The following IRAK2 variants were observed in gnomAD, a reference collection of about 807,000 sequenced individuals.
The protein encoded by IRAK2 is interleukin-1 receptor-associated kinase-like 2.
In IRAK2, 57 loss-of-function variants were observed where a neutral mutation model predicts 72.0. The observed-to-expected ratio is 0.79, with a 90% CI of 0.64 to 0.99. The LOEUF (loss-of-function observed/expected upper bound fraction) is 0.99. Among genes scored for constraint, IRAK2 ranks in the 50% least tolerant of loss-of-function variants. The probability of loss-of-function intolerance (pLI) is 0.00; values close to 1 mark genes in which losing one functional copy is unlikely to be tolerated. For synonymous variants in IRAK2, 293 were observed against 312.7 expected (o/e 0.94, Z 0.67); for missense variants, 790 against 794.4 (o/e 0.99, Z 0.07).
intron 11 of IRAK2, among the ~76,000 whole-genome samples, chr3:10,237,732 G>A (rs1258770328): frequency 1.3e-5 from 2 of 151,242 alleles, no homozygotes; most frequent in Admixed American, 6.6e-5. Flanking sequence ...GCGTGAACCC[G>A]GGAGGCAGAG....
chr3:10,215,745 CAT>C (rs1228242469), intron 6 of IRAK2, among the ~76,000 whole-genome samples: 8 of 126,770 alleles, frequency 6.3e-5, no homozygotes, highest in Non-Finnish European at 8.9e-5. Context: ...TGAATACTCA[CAT>C]GTGTACACAC....
At position 10,193,478 on chromosome 3, in the gene IRAK2, C is replaced by T. The variant is rs77336294; in HGVS notation, c.278-6891C>T. Among the ~76,000 whole-genome samples the T allele has an allele frequency of 4.7e-3, 714 of 151,942 alleles. 26 individuals carry two copies. The South Asian group carries it at 0.083, about 18-fold the overall frequency. On this transcript the variant is annotated intron_variant, in intron 2 of 12. Coordinates refer to ENST00000256458, the MANE Select transcript of IRAK2 (RefSeq NM_001570.4). ...AAAACAAAAACAAAAACAAAATTAGCCTGGCGTGGTGGCGTGCTCCTGTGG... is the reference window on the plus strand; with the variant it reads ...AAAACAAAAACAAAAACAAAATTAGTCTGGCGTGGTGGCGTGCTCCTGTGG...
chr3:10,193,828 C>A (rs1243170761), intron 2 of IRAK2, among the ~76,000 whole-genome samples: 1 of 152,244 alleles, frequency 6.6e-6, no homozygotes, highest in African/African-American at 2.4e-5. Context: ...GGCACAGGCC[C>A]CCACCTCCCC....
chr3:10,241,076 G>A (rs920098937), intron 12 of IRAK2, among the ~76,000 whole-genome samples: 1 of 151,766 alleles, frequency 6.6e-6, no homozygotes, highest in Non-Finnish European at 1.5e-5. Flanking sequence ...GGAAGGCCAG[G>A]GTAGGTTGCA....
intron 10 of IRAK2, among the ~76,000 whole-genome samples, chr3:10,234,044 G>C (rs1174039944): frequency 1.3e-5 from 2 of 152,076 alleles, no homozygotes; most frequent in African/African-American, 4.8e-5. Context: ...TATATTTCTA[G>C]TAGAGACGGG....
At chr3:10,167,534 C>G (rs1455880146) in intron 1 of IRAK2, among the ~76,000 whole-genome samples, 2 of 152,066 alleles carry the variant, frequency 1.3e-5, no homozygotes, top group Non-Finnish European at 2.9e-5. Flanking sequence ...CCTGCTTCAG[C>G]CTCCCTAGCA....
intron 8 of IRAK2, among the ~76,000 whole-genome samples, chr3:10,221,315 A>G (rs556299402): frequency 3.2e-4 from 44 of 137,442 alleles, no homozygotes; most frequent in African/African-American, 1.1e-3. Flanking sequence ...GTGCAGTGGC[A>G]CAATCTCTGT....
intron 4 of IRAK2, among the ~76,000 whole-genome samples, chr3:10,211,030 T>G (rs546037383): frequency 3.2e-4 from 48 of 152,058 alleles, no homozygotes; most frequent in African/African-American, 1.1e-3. Flanking sequence ...GGCTAATTTT[T>G]TTTTGTATTT....
chr3:10,165,497 CAT>C (rs377757158), intron 1 of IRAK2, among the ~76,000 whole-genome samples: 5 of 150,778 alleles, frequency 3.3e-5, no homozygotes, highest in South Asian at 4.2e-4. Context: ...TATGATTTAA[CAT>C]ATATATATAT....
chr3:10,240,978 G>A (rs928927055), intron 12 of IRAK2, among the ~76,000 whole-genome samples: 2 of 151,902 alleles, frequency 1.3e-5, no homozygotes, highest in African/African-American at 4.8e-5. Context: ...GGGAGAGGAA[G>A]AAGAAAGACA....
At chr3:10,234,758 T>G (rs1228597967) in intron 11 of IRAK2, 99 bp downstream of exon 11, 1 of 1,057,288 alleles carries the variant, frequency 9.5e-7, no homozygotes, top group Non-Finnish European at 1.4e-6. Context: ...AAACCAGGGT[T>G]GTGCTTGCTT....
Position 10,209,684 on chromosome 3 carries a change from G to A in IRAK2, c.520G>A (p.Asp174Asn). 1 of 1,511,812 alleles carries A rather than the reference G, an allele frequency of 6.6e-7. No individual in the cohort carries two copies. Among genetic ancestry groups the A allele is most frequent in the South Asian group, 1.3e-5 (1 of 76,632 alleles). The allele number at this position is 1,511,812 out of a possible 1,614,324, so 93.6% of individuals were successfully genotyped here. A position where few individuals can be genotyped will look rare whatever the true frequency, so the allele number is the denominator to read the frequency against. ...SLRSDLPTSS[D>N]SKDFSTSIPK... is the part of the protein sequence containing the mutation. ...GAGAAGCGACCTCCCCACTTCGTCT[G>A]ATTCAAAGGTAAATCCACCCCTCGG... The change falls in exon 4 of 13, where the codon GAT (aspartate) becomes AAT (asparagine). Residue 174 changes from aspartate to asparagine, a missense_variant. Transcript: ENST00000256458.
At position 10,219,710 on chromosome 3, in the gene IRAK2, C is replaced by T. The variant is rs139476001; in HGVS notation, c.934C>T (p.Arg312Cys). The T allele has an allele frequency of 4.3e-6, 7 of 1,613,352 alleles. No individual in the cohort carries two copies. The highest frequency in any genetic ancestry group is 2.2e-5 in the East Asian group (1 of 44,844). Residue 312 changes from arginine to cysteine, a missense_variant, in exon 8 of 13, where the codon CGT becomes TGT. Transcript: ENST00000256458. ...GGSDPLPWPQ[R>C]VSICSGLLCA... ...CTCGGACCCCCTCCCCTGGCCCCAGCGTGTCAGCATCTGCTCAGGGCTGCT... is the reference window on the plus strand; with the variant it reads ...CTCGGACCCCCTCCCCTGGCCCCAGTGTGTCAGCATCTGCTCAGGGCTGCT...
At chr3:10,216,341 AT>A (rs928379085) in intron 6 of IRAK2, among the ~76,000 whole-genome samples, 35 of 152,290 alleles carry the variant, frequency 2.3e-4, no homozygotes, top group African/African-American at 7.9e-4. Flanking sequence ...GCAAATTGAC[AT>A]TCAGGTCTGG....
intron 1 of IRAK2, among the ~76,000 whole-genome samples, chr3:10,166,183 A>ACATTGTTTTG (rs1161671700): frequency 6.6e-6 from 1 of 152,216 alleles, no homozygotes; most frequent in Non-Finnish European, 1.5e-5. Context: ...CTTTTAGTGT[A>ACATTGTTTTG]CATTGTTTTG....
At chr3:10,183,501 A>T (rs915254809) in intron 2 of IRAK2, among the ~76,000 whole-genome samples, 4 of 152,188 alleles carry the variant, frequency 2.6e-5, no homozygotes, top group African/African-American at 7.2e-5. Context: ...GCAGATCACA[A>T]GGTCAGGAGA....
chr3:10,202,479 C>T (rs557616020), intron 3 of IRAK2, among the ~76,000 whole-genome samples: 1 of 151,976 alleles, frequency 6.6e-6, no homozygotes, highest in Non-Finnish European at 1.5e-5. Flanking sequence ...AAAAATTGGC[C>T]GGGCGTGGTG....
At chr3:10,228,154 C>G (rs1697809141) in intron 10 of IRAK2, among the ~76,000 whole-genome samples, 2 of 152,102 alleles carry the variant, frequency 1.3e-5, no homozygotes, top group Admixed American at 1.3e-4. Context: ...CTCATCCAAA[C>G]TCTAGTCTTC....
chr3:10,191,736 A>T (rs1353741178), intron 2 of IRAK2, among the ~76,000 whole-genome samples: 1 of 152,158 alleles, frequency 6.6e-6, no homozygotes, highest in Non-Finnish European at 1.5e-5. Context: ...AGCCTATGGA[A>T]GTAGGTCCAT....
Sources: allele counts gnomAD v4.1 joint callset (sites outside exome capture counted in the v4.1 genomes callset), GRCh38; gene constraint gnomAD v4.1.1; transcripts MANE v1.5; gene names NCBI Gene and HGNC (gene_info 2026-07-23, HGNC 2026-07-21).